NHSL2: variants seen among roughly 807,000 people sequenced by gnomAD.
The protein encoded by NHSL2 is NHS like 2.
In NHSL2, 27 loss-of-function variants were observed where a neutral mutation model predicts 53.4. The ratio of observed to expected loss-of-function variants is 0.51; its 90% CI spans 0.37 to 0.70. NHSL2 has a LOEUF of 0.70. NHSL2 is among the 30% of genes least tolerant of loss of function. The pLI, the probability that NHSL2 is intolerant of heterozygous loss-of-function variation, is 0.00. For missense variants in NHSL2, 892 were observed against 980.1 expected, an observed-to-expected ratio of 0.91 and a Z score of 1.20; for synonymous variants, 408 against 404.1, an observed-to-expected ratio of 1.01 and a Z score of -0.12.
At chrX:71,928,296 C>T (rs1291461047) in intron 1 of NHSL2, among the ~76,000 whole-genome samples, 1 of 112,087 alleles carries the variant, frequency 8.9e-6, no homozygotes, top group African/African-American at 3.2e-5. Context: ...TTATCTTAGG[C>T]TTGATACCTG....
chrX:72,039,202 G>A (rs1197774214), intron 1 of NHSL2, among the ~76,000 whole-genome samples: 2 of 106,010 alleles, frequency 1.9e-5, no homozygotes, highest in Non-Finnish European at 3.9e-5. Flanking sequence ...TGTGCAACAC[G>A]ACTCTTAGGG....
chrX:72,102,375 C>T (rs144694476), intron 1 of NHSL2, among the ~76,000 whole-genome samples: 167 of 112,065 alleles, frequency 1.5e-3, no homozygotes, highest in African/African-American at 5.1e-3. Context: ...GAACCAAGAG[C>T]ATGAGAGTTG....
At chrX:71,959,805 C>T (rs1398086087) in intron 1 of NHSL2, among the ~76,000 whole-genome samples, 4 of 112,201 alleles carry the variant, frequency 3.6e-5, no homozygotes, top group Non-Finnish European at 7.5e-5. Context: ...ATCAATATAT[C>T]ATTCTCTTTT....
intron 1 of NHSL2, among the ~76,000 whole-genome samples, chrX:72,024,506 A>G (rs1372244597): frequency 3.6e-5 from 4 of 112,348 alleles, no homozygotes; most frequent in African/African-American, 1.3e-4. Context: ...TGTTTGAGCC[A>G]TTTTTGCTGG....
intron 1 of NHSL2, among the ~76,000 whole-genome samples, chrX:72,093,253 T>C (rs746344912): frequency 2.7e-4 from 30 of 112,797 alleles, no homozygotes; most frequent in Non-Finnish European, 5.1e-4. Flanking sequence ...TTTGCTAATA[T>C]TGCTTTCAAA....
In NHSL2 at chrX:72,012,308, T is replaced by C. The variant is rs140326840; in HGVS notation, c.280+100941T>C. ...TTTGTATAAGGTGTGAGATAGATTA[T>C]ATCATTTCCTGAGGCTGCCGTAACA... On this transcript the variant is annotated intron_variant, in intron 1 of 7. Coordinates refer to ENST00000633930, the MANE Select transcript of NHSL2 (RefSeq NM_001013627.3). Among the ~76,000 whole-genome samples, 1,071 of 112,008 alleles carry C rather than the reference T, an allele frequency of 9.6e-3. 48 individuals carry two copies. The highest frequency in any genetic ancestry group is 0.083 in the Admixed American group (875 of 10,560).
At chrX:72,087,380 TATC>T (rs2041858118) in intron 1 of NHSL2, among the ~76,000 whole-genome samples, 1 of 112,344 alleles carries the variant, frequency 8.9e-6, no homozygotes, top group African/African-American at 3.2e-5. Context: ...AATTACTACT[TATC>T]AGTTACAGTG....
intron 1 of NHSL2, among the ~76,000 whole-genome samples, chrX:72,103,061 A>G (rs2042009388): frequency 8.9e-6 from 1 of 112,309 alleles, no homozygotes; most frequent in Non-Finnish European, 1.9e-5. Context: ...AAAGGGTCCT[A>G]GGCCAGCAGA....
At chrX:71,969,871 T>C (rs2041918069) in intron 1 of NHSL2, among the ~76,000 whole-genome samples, 1 of 112,139 alleles carries the variant, frequency 8.9e-6, no homozygotes, top group Admixed American at 9.4e-5. Flanking sequence ...AAAAGCTTTC[T>C]GTTTTTCACC....
rs905864550 is a variant in NHSL2 at position 72,101,618 on chromosome X, C to T, written c.281-30461C>T. On this transcript the variant is annotated intron_variant, in intron 1 of 7. Transcript: ENST00000633930. The stretch of plus-strand genomic sequence containing the variant: ...ACAAGACCCAACCCCATGGTGGAGC[C>T]GAGGGTTCAGAGCAGCTAGGCACAG... Among the ~76,000 whole-genome samples the T allele has an allele frequency of 6.4e-4, 71 of 110,317 alleles. No homozygotes were observed. The Admixed American group carries it at 6.6e-3, about 10-fold the overall frequency.
chrX:72,003,140 C>T (rs1172359119), intron 1 of NHSL2, among the ~76,000 whole-genome samples: 11 of 110,677 alleles, frequency 9.9e-5, no homozygotes, highest in Non-Finnish European at 1.3e-4. Flanking sequence ...GTGCCAAAGA[C>T]TCCCACTGAA....
At chrX:72,093,725 T>TTGCTTGCTTGCTTGCTTGCTTGCTTG (rs1569479425) in intron 1 of NHSL2, among the ~76,000 whole-genome samples, 7 of 54,060 alleles carry the variant, frequency 1.3e-4, no homozygotes, top group Admixed American at 4.5e-4. Flanking sequence ...TTGCTTGCTT[T>TTGCTTGCTTGCTTGCTTGCTTGCTTG]CTTTCTTTCT....
At chrX:72,111,535 T>G (rs2042093481) in intron 1 of NHSL2, among the ~76,000 whole-genome samples, 1 of 112,388 alleles carries the variant, frequency 8.9e-6, no homozygotes, top group African/African-American at 3.2e-5. Flanking sequence ...TTTGCAAATA[T>G]AGACTGAGTC....
rs1287493313 is a variant in NHSL2 at position 72,149,117 on chromosome X, G to T, written c.*5543G>T. On this transcript the variant is annotated 3_prime_UTR_variant, in exon 8 of 8. Coordinates refer to ENST00000633930, the MANE Select transcript of NHSL2 (RefSeq NM_001013627.3). ...GCATATGCTCGAAAAAAATTAAAAA[G>T]AACTTATCATATTGGATCAACAAAT... 1.8e-5 allele frequency: 2 copies of T among 108,660 alleles called. No individual in the cohort carries two copies. The highest frequency in any genetic ancestry group is 3.8e-5 in the Non-Finnish European group (2 of 52,382). The allele number at this position is 108,660 out of a possible 1,213,427, so 9.0% of individuals were successfully genotyped here.
Position 72,130,445 on chromosome X carries a change from T to C in NHSL2, c.281-1634T>C, listed in dbSNP as rs983578517. ...TTCATCTCTTGCTGAAAAGCCCTCATGCGCTTCCTCTGGTCCTTGGAGTGA... is the reference window on the plus strand; with the variant it reads ...TTCATCTCTTGCTGAAAAGCCCTCACGCGCTTCCTCTGGTCCTTGGAGTGA... On this transcript the variant is annotated intron_variant, in intron 1 of 7. Transcript: ENST00000633930. The C allele has an allele frequency of 3.3e-6, 4 of 1,208,451 alleles. No individual in the cohort carries two copies. Among genetic ancestry groups the C allele is most frequent in the South Asian group, 3.5e-5 (2 of 56,579 alleles).
chrX:71,963,983 A>G (rs1223642509), intron 1 of NHSL2, among the ~76,000 whole-genome samples: 1 of 65,377 alleles, frequency 1.5e-5, no homozygotes, highest in Non-Finnish European at 2.6e-5. Context: ...ACATATATAT[A>G]TATATATATG....
intron 4 of NHSL2, among the ~76,000 whole-genome samples, chrX:72,136,624 C>G (rs938394861): frequency 1.8e-5 from 2 of 111,671 alleles, no homozygotes; most frequent in Non-Finnish European, 3.8e-5. Flanking sequence ...ACTGGCCTCA[C>G]CTGGCCCATA....
At chrX:72,123,815 A>G (rs1243037098) in intron 1 of NHSL2, among the ~76,000 whole-genome samples, 1 of 110,772 alleles carries the variant, frequency 9.0e-6, no homozygotes, top group Non-Finnish European at 1.9e-5. Flanking sequence ...ACTTTCCCAC[A>G]CAAACACACC....
chrX:72,114,585 TC>T (rs760857096), intron 1 of NHSL2, among the ~76,000 whole-genome samples: 4 of 111,550 alleles, frequency 3.6e-5, no homozygotes, highest in Non-Finnish European at 3.8e-5. Flanking sequence ...GCAACAAAGG[TC>T]ACAGTCAATC....
Sources: allele counts gnomAD v4.1 joint callset (sites outside exome capture counted in the v4.1 genomes callset), GRCh38; gene constraint gnomAD v4.1.1; transcripts MANE v1.5; gene names NCBI Gene and HGNC (gene_info 2026-07-23, HGNC 2026-07-21).